The following DENND1A variants were observed in gnomAD, a reference collection of about 807,000 sequenced individuals.
DENND1A encodes DENN domain-containing protein 1A.
In DENND1A, 51 loss-of-function variants were observed where a neutral mutation model predicts 113.7. The ratio of observed to expected loss-of-function variants is 0.45; its 90% CI spans 0.36 to 0.57. The LOEUF is 0.57. DENND1A is among the 20% of genes least tolerant of loss of function. The pLI is 0.00. For missense variants in DENND1A, 1,258 were observed against 1,395.9 expected (o/e 0.90, Z 1.57); for synonymous variants, 565 against 570.8 (o/e 0.99, Z 0.14).
At chr9:123,907,609 G>C (rs1383818465) in intron 1 of DENND1A, among the ~76,000 whole-genome samples, 5 of 146,830 alleles carry the variant, frequency 3.4e-5, no homozygotes, top group Admixed American at 1.4e-4. Flanking sequence ...GCTTCAAAGA[G>C]AATAAAATAC....
In DENND1A at chr9:123,515,979, TGGGA is replaced by T. The variant is rs947962296; in HGVS notation, c.993+41587_993+41590del. On this transcript the variant is annotated intron_variant, in intron 13 of 23. Coordinates refer to ENST00000394215, the MANE Select transcript of DENND1A (RefSeq NM_001352964.2). ...CCTGTTGTCCCAGCTACTTGGGAGGTGGGAGGATCACCTGAGCCTGGGAGGTTGA... is the reference window on the plus strand; with the variant it reads ...CCTGTTGTCCCAGCTACTTGGGAGGTGGATCACCTGAGCCTGGGAGGTTGA... 4.9e-4 allele frequency among the ~76,000 whole-genome samples: 74 copies of T among 151,658 alleles called. 1 individual carries two copies. The highest frequency in any genetic ancestry group is 1.6e-3 in the African/African-American group (68 of 41,318).
intron 19 of DENND1A, among the ~76,000 whole-genome samples, chr9:123,420,638 T>C (rs1469179598): frequency 1.3e-5 from 2 of 152,198 alleles, no homozygotes; most frequent in East Asian, 3.9e-4. Flanking sequence ...TGAAGAGCAG[T>C]GCATTCTTCC....
chr9:123,566,192 A>G (rs1287444990), intron 12 of DENND1A, among the ~76,000 whole-genome samples: 1 of 152,234 alleles, frequency 6.6e-6, no homozygotes, highest in Non-Finnish European at 1.5e-5. Context: ...AGATATGTCC[A>G]TGATACTGGT....
intron 19 of DENND1A, among the ~76,000 whole-genome samples, chr9:123,424,957 A>G (rs895774357): frequency 2.0e-5 from 3 of 152,050 alleles, no homozygotes; most frequent in East Asian, 1.9e-4. Flanking sequence ...CCAGGTTAAT[A>G]ATTTCCTTAG....
In DENND1A at chr9:123,382,403, CCTT is replaced by C. The variant is rs1207984478; in HGVS notation, c.2239_2241del (p.Lys747del). The stretch of plus-strand genomic sequence containing the variant: ...CCCAGAGTAGGGGTGGGCACCTCCT[CCTT>C]GTCACTGGGGTTCAGGATGCTGTCC... On this transcript the variant is annotated inframe_deletion, in exon 24 of 24. Transcript: ENST00000394215. The C allele has an allele frequency of 1.3e-5, 21 of 1,601,012 alleles. 1 individual carries two copies. The highest frequency in any genetic ancestry group is 1.7e-4 in the Middle Eastern group (1 of 5,986).
intron 13 of DENND1A, among the ~76,000 whole-genome samples, chr9:123,482,729 A>G (rs2050451188): frequency 6.6e-6 from 1 of 152,214 alleles, no homozygotes; most frequent in South Asian, 2.1e-4. Flanking sequence ...AACAAAGAAC[A>G]AGGTCCCAAG....
In DENND1A at chr9:123,451,925, C is replaced by T. The variant is rs1346253594; in HGVS notation, c.1299+351G>A. ...AAGAGTCTCATCGCTTGGCTGGGTGCAGCAGCTCATGCTGGTAATCCCAGC... is the reference window on the plus strand; with the variant it reads ...AAGAGTCTCATCGCTTGGCTGGGTGTAGCAGCTCATGCTGGTAATCCCAGC... On this transcript the variant is annotated intron_variant, in intron 17 of 23. Transcript: ENST00000394215. Among the ~76,000 whole-genome samples the T allele has an allele frequency of 2.6e-5, 4 of 151,848 alleles. No homozygotes were observed. In the South Asian group the frequency reaches 8.3e-4, roughly 32 times the overall value.
chr9:123,589,277 A>G (rs974261105), intron 11 of DENND1A, among the ~76,000 whole-genome samples: 8 of 152,112 alleles, frequency 5.3e-5, no homozygotes, highest in South Asian at 2.1e-4. Flanking sequence ...CTGTAGGCAT[A>G]AAGCTTTGTG....
chr9:123,390,751 A>C (rs1013172568), intron 21 of DENND1A, among the ~76,000 whole-genome samples: 1 of 152,124 alleles, frequency 6.6e-6, no homozygotes, highest in Admixed American at 6.5e-5. Context: ...CAGGGGCCTC[A>C]CCCTCTCCTG....
chr9:123,713,109 T>G (rs2066742104), intron 5 of DENND1A, among the ~76,000 whole-genome samples: 1 of 152,214 alleles, frequency 6.6e-6, no homozygotes, highest in African/African-American at 2.4e-5. Context: ...AGAAAATCCC[T>G]GACCGAGAGT....
At chr9:123,545,211 T>C (rs1444118084) in intron 13 of DENND1A, among the ~76,000 whole-genome samples, 1 of 152,158 alleles carries the variant, frequency 6.6e-6, no homozygotes, top group Non-Finnish European at 1.5e-5. Flanking sequence ...CATTCCACTG[T>C]CTTCTGGAGA....
chr9:123,925,161 T>C (rs758681318), intron 1 of DENND1A, among the ~76,000 whole-genome samples: 82 of 152,332 alleles, frequency 5.4e-4, no homozygotes, highest in Non-Finnish European at 1.1e-3. Context: ...CCATCGTAAT[T>C]CCCAATGTCT....
chr9:123,423,091 C>CCATTCT, intron 19 of DENND1A, among the ~76,000 whole-genome samples: 1 of 152,334 alleles, frequency 6.6e-6, no homozygotes, highest in East Asian at 1.9e-4. Context: ...CCCACTCCAG[C>CCATTCT]GGCCATTCTG....
At chr9:123,540,383 G>T (rs1263853328) in intron 13 of DENND1A, among the ~76,000 whole-genome samples, 1 of 152,222 alleles carries the variant, frequency 6.6e-6, no homozygotes, top group African/African-American at 2.4e-5. Context: ...GCTGACTCCT[G>T]TTAAGTAGGT....
chr9:123,787,868 G>A (rs1832428053), intron 3 of DENND1A, among the ~76,000 whole-genome samples: 2 of 152,204 alleles, frequency 1.3e-5, no homozygotes, highest in South Asian at 4.1e-4. Flanking sequence ...TCTATATAAA[G>A]ATTTCCATAA....
intron 2 of DENND1A, among the ~76,000 whole-genome samples, chr9:123,869,665 T>A (rs934371469): frequency 2.0e-5 from 3 of 152,166 alleles, no homozygotes; most frequent in Non-Finnish European, 2.9e-5. Context: ...ACAATCCATG[T>A]CTTTTGAGTG....
At chr9:123,420,061 A>G (rs978679776) in intron 19 of DENND1A, among the ~76,000 whole-genome samples, 6 of 152,210 alleles carry the variant, frequency 3.9e-5, no homozygotes, top group Admixed American at 2.6e-4. Flanking sequence ...GTCACTCTAG[A>G]GGGATATTCC....
chr9:123,713,574 C>T (rs189157369), intron 5 of DENND1A, among the ~76,000 whole-genome samples: 19 of 152,118 alleles, frequency 1.2e-4, no homozygotes, highest in East Asian at 7.7e-4. Flanking sequence ...AGTGGGACCA[C>T]GGGACTTTGG....
At chr9:123,679,983 G>C (rs1382325029) in intron 5 of DENND1A, among the ~76,000 whole-genome samples, 1 of 152,072 alleles carries the variant, frequency 6.6e-6, no homozygotes, top group Non-Finnish European at 1.5e-5. Context: ...CCAAGGCTGT[G>C]GCACAAAGGG....
Sources: allele counts gnomAD v4.1 joint callset (sites outside exome capture counted in the v4.1 genomes callset), GRCh38; gene constraint gnomAD v4.1.1; transcripts MANE v1.5; gene names NCBI Gene and HGNC (gene_info 2026-07-23, HGNC 2026-07-21).